VPS13D: variants seen among roughly 807,000 people sequenced by gnomAD.
VPS13D encodes the protein vacuolar protein sorting 13 homolog D, also known as intermembrane lipid transfer protein VPS13D.
A neutral mutation model predicts 461.9 loss-of-function variants in VPS13D; 187 were observed. That is an observed-to-expected ratio of 0.40 (90% CI 0.36 to 0.46). The LOEUF (loss-of-function observed/expected upper bound fraction) is 0.46. VPS13D is among the 20% of genes least tolerant of loss of function. The pLI is 0.60. For missense variants in VPS13D, 4,711 were observed against 5,364.9 expected, an observed-to-expected ratio of 0.88 and a Z score of 3.81; for synonymous variants, 1,951 against 1,986.3, an observed-to-expected ratio of 0.98 and a Z score of 0.47.
intron 23 of VPS13D, among the ~76,000 whole-genome samples, chr1:12,292,002 T>C (rs546500527): frequency 4.6e-4 from 70 of 152,302 alleles, no homozygotes; most frequent in Non-Finnish European, 8.2e-4. Context: ...CTCACGCCTG[T>C]AATCCCAGCA....
intron 46 of VPS13D, among the ~76,000 whole-genome samples, chr1:12,350,508 G>A (rs1482550794): frequency 6.6e-6 from 1 of 152,046 alleles, no homozygotes; most frequent in African/African-American, 2.4e-5. Context: ...TTTAAATATG[G>A]GGGATGCAGC....
At chr1:12,388,956 G>A (rs1000645228) in intron 60 of VPS13D, among the ~76,000 whole-genome samples, 47 of 152,058 alleles carry the variant, frequency 3.1e-4, no homozygotes, top group African/African-American at 1.0e-3. Flanking sequence ...TGGTGTAGTC[G>A]GGGTTCTCTT....
rs192855928 is a variant in VPS13D at position 12,368,525 on chromosome 1, G to A, written c.10506G>A (p.Thr3502=). The change falls in exon 53 of 70, where the codon ACG becomes ACA. Residue 3502 remains threonine (T), a synonymous_variant. Coordinates refer to ENST00000620676, the MANE Select transcript of VPS13D (RefSeq NM_015378.4). The part of the protein sequence containing the change: ...LRVEITLRGA[T]YRISFSDTDQ... Reference sequence around the variant, plus strand: ...TGGAAATTACTCTCCGAGGAGCTACGTATAGGATCTCATTTAGTGACACAG... The same window carrying A: ...TGGAAATTACTCTCCGAGGAGCTACATATAGGATCTCATTTAGTGACACAG... The A allele has an allele frequency of 6.8e-6, 11 of 1,613,750 alleles. No homozygotes were observed. The highest frequency in any genetic ancestry group is 4.5e-5 in the East Asian group (2 of 44,872).
intron 52 of VPS13D, chr1:12,367,559 T>C (rs568757548): frequency 6.6e-6 from 1 of 151,150 alleles, no homozygotes; most frequent in African/African-American, 2.4e-5. Flanking sequence ...ATGAAATTTA[T>C]TTATTTATTT....
chr1:12,456,548 G>T (rs1490466975), intron 66 of VPS13D, among the ~76,000 whole-genome samples: 4 of 143,460 alleles, frequency 2.8e-5, no homozygotes, highest in African/African-American at 1.0e-4. Context: ...TGAGGCAGGA[G>T]AATTGCTCGA....
intron 7 of VPS13D, 140 bp downstream of exon 7, chr1:12,253,966 G>A (rs1640826062): frequency 1.2e-5 from 8 of 659,486 alleles, no homozygotes; most frequent in African/African-American, 1.8e-5. Context: ...TCACTCTCAA[G>A]TGTGTTTGCT....
Position 12,276,457 on chromosome 1 carries a change from G to T in VPS13D, c.2869G>T (p.Ala957Ser), listed in dbSNP as rs1343221403. The part of the protein sequence containing the change: ...EVLVESQLLL[A>S]EFKVNCMQLG... ...TCTGGTGGAGTCGCAGCTCCTCCTG[G>T]CGGAATTTAAAGTGAACTGTATGCA... is the stretch of plus-strand genomic sequence containing the variant. Residue 957 changes from alanine (A) to serine (S), a missense_variant, in exon 19 of 70, where the codon GCG becomes TCG. Ala to Ser is a moderately conservative substitution (Grantham distance 99). Coordinates refer to ENST00000620676, the MANE Select transcript of VPS13D (RefSeq NM_015378.4). This position sits in a 1 kb window ranked among gnomAD's most constrained non-coding sequence, Gnocchi z 4.5. The T allele has an allele frequency of 1.1e-5, 17 of 1,614,006 alleles. No individual in the cohort carries two copies. Among genetic ancestry groups the T allele is most frequent in the Non-Finnish European group, 1.4e-5 (16 of 1,180,034 alleles).
At chr1:12,457,559 T>G (rs554915341) in intron 66 of VPS13D, among the ~76,000 whole-genome samples, 6 of 152,342 alleles carry the variant, frequency 3.9e-5, no homozygotes, top group African/African-American at 1.4e-4. Context: ...TTAAACTCTT[T>G]GTACCAGATC....
intron 47 of VPS13D, 121 bp downstream of exon 47, chr1:12,354,342 C>G: frequency 7.9e-7 from 1 of 1,270,900 alleles, no homozygotes; most frequent in Non-Finnish European, 1.1e-6. Flanking sequence ...TCTCAATAAG[C>G]CAGCTCAAAG....
chr1:12,348,689 G>A (rs1643730162), intron 44 of VPS13D, 134 bp from the exon 45 acceptor site: 1 of 1,152,288 alleles, frequency 8.7e-7, no homozygotes, highest in African/African-American at 1.6e-5. Context: ...TGGCTTTAGG[G>A]TTTTATGACT....
intron 53 of VPS13D, among the ~76,000 whole-genome samples, chr1:12,369,244 T>C (rs940787170): frequency 6.4e-4 from 97 of 152,234 alleles, no homozygotes; most frequent in African/African-American, 2.3e-3. Flanking sequence ...TGTGTGTGTG[T>C]GTGTGTGTGT....
At chr1:12,290,933 G>T in intron 22 of VPS13D, 65 bp from the exon 23 acceptor site, 1 of 1,476,480 alleles carries the variant, frequency 6.8e-7, no homozygotes, top group Non-Finnish European at 9.1e-7. Flanking sequence ...TTTTGTTCCA[G>T]ACATATTTAA....
In VPS13D at chr1:12,277,637, G is replaced by A. The variant is rs142822216; in HGVS notation, c.4049G>A (p.Arg1350Gln). 376 of 1,613,838 alleles carry A rather than the reference G, an allele frequency of 2.3e-4. 2 individuals are homozygous for A. Among genetic ancestry groups the A allele is most frequent in the African/African-American group, 1.7e-3 (129 of 74,892 alleles). ...VSLFETPRKT[R>Q]EPFILEENEI... ...CTCTTTGAAACTCCAAGGAAGACTCGGGAACCCTTTATCTTAGAGGAAAAT... is the reference window on the plus strand; with the variant it reads ...CTCTTTGAAACTCCAAGGAAGACTCAGGAACCCTTTATCTTAGAGGAAAAT... The change falls in exon 19 of 70, where the codon CGG becomes CAG. Residue 1350 changes from arginine to glutamine, a missense_variant. By Grantham distance (43) the Arg-to-Gln change is conservative (BLOSUM62 1). Around this residue, in one of 3 missense-constraint regions of VPS13D, gnomAD observed 4,411 missense variants for 4,937.8 expected, o/e 0.89. Transcript: ENST00000620676.
chr1:12,278,558 A>C (rs1641685834), intron 19 of VPS13D, among the ~76,000 whole-genome samples: 1 of 152,202 alleles, frequency 6.6e-6, no homozygotes, highest in Non-Finnish European at 1.5e-5. Context: ...TACAAGTGTG[A>C]CCAGCCGCGC....
At chr1:12,257,893 T>C in intron 9 of VPS13D, 42 bp from the exon 10 acceptor site, 1 of 1,608,838 alleles carries the variant, frequency 6.2e-7, no homozygotes. Flanking sequence ...TTTTCGTTGC[T>C]TTTGTTGTAA....
intron 52 of VPS13D, among the ~76,000 whole-genome samples, chr1:12,365,115 T>C (rs1644015779): frequency 6.6e-6 from 1 of 152,256 alleles, no homozygotes; most frequent in Non-Finnish European, 1.5e-5. Context: ...ATTTCATTGG[T>C]CTATATGTCT....
Position 12,309,757 on chromosome 1 carries a change from G to A in VPS13D, c.6650+1116G>A, listed in dbSNP as rs565753442. Among the ~76,000 whole-genome samples, 112 of 127,070 alleles carry A rather than the reference G, an allele frequency of 8.8e-4. 1 individual carries two copies. Among genetic ancestry groups the A allele is most frequent in the African/African-American group, 3.6e-3 (104 of 28,572 alleles). 83.4% of individuals were successfully genotyped at this position (127,070 alleles called of 152,430 possible). A position where few individuals can be genotyped will look rare whatever the true frequency, so the allele number is the denominator to read the frequency against. On this transcript the variant is annotated intron_variant, in intron 27 of 69. Coordinates refer to ENST00000620676, the MANE Select transcript of VPS13D (RefSeq NM_015378.4). The stretch of plus-strand genomic sequence containing the variant: ...AGCCTGGGTGACAGAGCAAGACTCA[G>A]TCTCAAAAAAAAAAAAAAAAAGAAA...
At chr1:12,291,362 G>T (rs1012389153) in intron 23 of VPS13D, among the ~76,000 whole-genome samples, 2 of 152,104 alleles carry the variant, frequency 1.3e-5, no homozygotes, top group African/African-American at 2.4e-5. Flanking sequence ...GGTGCGGTGG[G>T]TCATGCCTGT....
chr1:12,314,187 C>T lies in VPS13D; in HGVS notation c.7008C>T (p.Ser2336=), dbSNP rs980044547. ...SNQTKSINLV[S]HSMMAFDTRY... is the part of the protein sequence containing the mutation. ...AAACCAAGTCCATTAACTTGGTTTCCCATTCCATGATGGCTTTTGACACCC... is the reference window on the plus strand; with the variant it reads ...AAACCAAGTCCATTAACTTGGTTTCTCATTCCATGATGGCTTTTGACACCC... The change falls in exon 30 of 70, where the codon TCC becomes TCT. Residue 2336 remains serine (S), a synonymous_variant. Coordinates refer to ENST00000620676, the MANE Select transcript of VPS13D (RefSeq NM_015378.4). 3.7e-6 allele frequency: 6 copies of T among 1,614,142 alleles called. No homozygotes were observed. The highest frequency in any genetic ancestry group is 5.1e-6 in the Non-Finnish European group (6 of 1,180,022).
Sources: gnomAD v4.1 joint callset for allele counts (sites outside exome capture counted in the v4.1 genomes callset) on GRCh38, gnomAD v4.1.1 for gene constraint, gnomAD v4.1.1 regional missense constraint, Gnocchi (gnomAD v3.1) non-coding constraint, MANE v1.5 for transcripts, NCBI Gene and HGNC (gene_info 2026-07-23, HGNC 2026-07-21) for gene names.